The following NAA11 variants were observed in gnomAD, a reference collection of about 807,000 sequenced individuals.
The protein encoded by NAA11 is N-alpha-acetyltransferase 11, NatA catalytic subunit, also known as N-alpha-acetyltransferase 11.
Under a neutral mutation model 16.1 loss-of-function variants are expected in NAA11, and 15 were observed. That is an observed-to-expected ratio of 0.93 (90% CI 0.62 to 1.44). The LOEUF (loss-of-function observed/expected upper bound fraction) is 1.44. NAA11 is among the 40% of genes most tolerant of loss of function. NAA11 has a pLI of 0.00. For missense variants in NAA11, 298 were observed against 291.3 expected (o/e 1.02, Z -0.17); for synonymous variants, 122 against 112.4 (o/e 1.09, Z -0.54).
chr4:79,181,227 T>TAA, the NAA11 span, among the ~76,000 whole-genome samples: 7 of 128,980 alleles, frequency 5.4e-5, no homozygotes, highest in Admixed American at 1.6e-4. Flanking sequence ...CTTAAAGTAT[T>TAA]AAAAAAAAAA....
At chr4:79,323,614 A>C (rs367727063) in intron 1 of NAA11, among the ~76,000 whole-genome samples, 34 of 152,150 alleles carry the variant, frequency 2.2e-4, no homozygotes, top group African/African-American at 8.0e-4. Flanking sequence ...AGGTCAGGAG[A>C]TCAAGACCAT....
chr4:79,200,881 A>G, the NAA11 span, among the ~76,000 whole-genome samples: 3 of 151,552 alleles, frequency 2.0e-5, no homozygotes, highest in South Asian at 6.2e-4. Flanking sequence ...ACTTTGTTGT[A>G]TTCAGAGAAG....
chr4:79,222,309 A>C (rs927892899), downstream of NAA11, among the ~76,000 whole-genome samples: 1 of 151,420 alleles, frequency 6.6e-6, no homozygotes, highest in Non-Finnish European at 1.5e-5. Flanking sequence ...AATTTTGTTG[A>C]TCCTTTCAAA....
downstream of NAA11, among the ~76,000 whole-genome samples, chr4:79,313,254 AG>A (rs942504686): frequency 6.6e-6 from 1 of 152,206 alleles, no homozygotes; most frequent in Non-Finnish European, 1.5e-5. Flanking sequence ...ATTACAATGC[AG>A]GTTTTTTTTT....
the NAA11 span, among the ~76,000 whole-genome samples, chr4:79,179,560 G>T: frequency 5.9e-5 from 9 of 152,140 alleles, no homozygotes; most frequent in Non-Finnish European, 8.8e-5. Context: ...TTACTATTCT[G>T]TTTGATTGCA....
At chr4:79,242,586 C>T (rs1283260072) in intron 2 of NAA11, among the ~76,000 whole-genome samples, 1 of 152,186 alleles carries the variant, frequency 6.6e-6, no homozygotes, top group Admixed American at 6.5e-5. Context: ...CTCCTTAGTC[C>T]TCTATAGTTA....
At chr4:79,247,425 AT>A (rs977115834) in intron 2 of NAA11, among the ~76,000 whole-genome samples, 1 of 152,092 alleles carries the variant, frequency 6.6e-6, no homozygotes, top group African/African-American at 2.4e-5. Flanking sequence ...TTCCTTTGCC[AT>A]TTGCCTGTAT....
the NAA11 span, among the ~76,000 whole-genome samples, chr4:79,200,875 T>A: frequency 6.6e-6 from 1 of 151,734 alleles, no homozygotes; most frequent in African/African-American, 2.4e-5. Context: ...CACTGCACTT[T>A]GTTGTATTCA....
At chr4:79,318,395 T>G (rs1723990777) in intron 1 of NAA11, among the ~76,000 whole-genome samples, 1 of 152,186 alleles carries the variant, frequency 6.6e-6, no homozygotes, top group Non-Finnish European at 1.5e-5. Context: ...GAATCATACA[T>G]ACATTATTTT....
chr4:79,220,759 C>T (rs1463340086), downstream of NAA11, among the ~76,000 whole-genome samples: 2 of 152,056 alleles, frequency 1.3e-5, no homozygotes, highest in African/African-American at 2.4e-5. Context: ...CAGTACCATG[C>T]TGTTTTGGTT....
chr4:79,323,312 T>C (rs1391554878), intron 1 of NAA11, among the ~76,000 whole-genome samples: 1 of 152,232 alleles, frequency 6.6e-6, no homozygotes, highest in Non-Finnish European at 1.5e-5. Context: ...TGGTATATTA[T>C]TACAATTAAG....
intron 2 of NAA11, among the ~76,000 whole-genome samples, chr4:79,285,945 G>A (rs981794548): frequency 1.3e-5 from 2 of 151,980 alleles, no homozygotes; most frequent in Non-Finnish European, 2.9e-5. Context: ...GCCATAGGTA[G>A]TATCAAGGAT....
chr4:79,164,827 A>G, the NAA11 span, among the ~76,000 whole-genome samples: 1 of 152,206 alleles, frequency 6.6e-6, no homozygotes, highest in Non-Finnish European at 1.5e-5. Context: ...AGGACAGCAG[A>G]AAGATTAGCA....
intron 2 of NAA11, among the ~76,000 whole-genome samples, chr4:79,292,115 A>T (rs1269182519): frequency 6.6e-6 from 1 of 152,204 alleles, no homozygotes; most frequent in Admixed American, 6.5e-5. Context: ...CATCAGAAAC[A>T]GTTGATGTTG....
the NAA11 span, among the ~76,000 whole-genome samples, chr4:79,219,074 T>C: frequency 6.6e-6 from 1 of 152,178 alleles, no homozygotes; most frequent in East Asian, 1.9e-4. Context: ...TATGCCCTTT[T>C]ACTTTTTTAA....
the NAA11 span, among the ~76,000 whole-genome samples, chr4:79,192,787 C>T: frequency 6.7e-6 from 1 of 148,808 alleles, no homozygotes; most frequent in African/African-American, 2.5e-5. Flanking sequence ...GTTCTAGATC[C>T]CTGAGGAATC....
chr4:79,229,900 G>T (rs1008345289), intron 2 of NAA11, among the ~76,000 whole-genome samples: 1 of 151,964 alleles, frequency 6.6e-6, no homozygotes, highest in African/African-American at 2.4e-5. Flanking sequence ...CCAATGGAAA[G>T]TCTAACTGTG....
the NAA11 span, among the ~76,000 whole-genome samples, chr4:79,206,202 T>C: frequency 6.6e-6 from 1 of 152,118 alleles, no homozygotes; most frequent in Admixed American, 6.6e-5. Flanking sequence ...CTTTAGGCAG[T>C]ATGGTCATTT....
intron 2 of NAA11, among the ~76,000 whole-genome samples, chr4:79,260,258 G>C (rs1722218573): frequency 6.6e-6 from 1 of 152,094 alleles, no homozygotes; most frequent in Admixed American, 6.5e-5. Flanking sequence ...TTTATTTTGA[G>C]GTTAATGGGA....
Sources: allele counts gnomAD v4.1 joint callset (sites outside exome capture counted in the v4.1 genomes callset), GRCh38; gene constraint gnomAD v4.1.1; transcripts MANE v1.5; gene names NCBI Gene and HGNC (gene_info 2026-07-23, HGNC 2026-07-21).